NDUFS4: variants seen among roughly 807,000 people sequenced by gnomAD.
NDUFS4 encodes NADH:ubiquinone oxidoreductase subunit S4, also known as NADH dehydrogenase [ubiquinone] iron-sulfur protein 4, mitochondrial.
NDUFS4 carries 28 observed loss-of-function variants against 24.3 expected under a neutral mutation model. The ratio of observed to expected loss-of-function variants is 1.15; its 90% confidence interval spans 0.85 to 1.58. The LOEUF (loss-of-function observed/expected upper bound fraction) is 1.58. Ranked by LOEUF, NDUFS4 falls within the 40% of genes most tolerant of loss-of-function variation. The pLI is 0.00. For synonymous variants in NDUFS4, 93 were observed against 69.7 expected (o/e 1.34, Z -1.67); for missense variants, 223 against 207.9 (o/e 1.07, Z -0.45).
intron 1 of NDUFS4, among the ~76,000 whole-genome samples, chr5:53,577,922 T>C (rs1171937842): frequency 6.6e-6 from 1 of 152,200 alleles, no homozygotes; most frequent in Non-Finnish European, 1.5e-5. Flanking sequence ...GTATCCTAGA[T>C]GATCTAATTC....
rs776441221 is a variant in NDUFS4, at chr5:53,560,735, C to T, written c.73C>T (p.Leu25Phe). Residue 25 changes from leucine to phenylalanine, a missense_variant, in exon 1 of 5, where the codon CTT (leucine) becomes TTT (phenylalanine). Leu to Phe is a conservative substitution (Grantham distance 22). Transcript: ENST00000296684. Reference protein sequence around the residue: ...WRRRAVAVAALSVSRVPTRSL... With the variant: ...WRRRAVAVAAFSVSRVPTRSL... ...GAGAAGGGCAGTGGCTGTAGCTGCC[C>T]TTTCCGTTTCCAGGGTTCCGACCAG... 1.2e-6 allele frequency: 2 copies of T among 1,614,120 alleles called. No homozygotes were observed. Among genetic ancestry groups the T allele is most frequent in the Admixed American group, 3.3e-5 (2 of 60,012 alleles).
At chr5:53,621,098 TG>T (rs2112478130) in intron 2 of NDUFS4, among the ~76,000 whole-genome samples, 1 of 152,340 alleles carries the variant, frequency 6.6e-6, no homozygotes, top group African/African-American at 2.4e-5. Flanking sequence ...ATCACATTTT[TG>T]CTTCACTTAT....
chr5:53,577,778 T>C (rs1358137415), intron 1 of NDUFS4, among the ~76,000 whole-genome samples: 1 of 152,144 alleles, frequency 6.6e-6, no homozygotes, highest in Non-Finnish European at 1.5e-5. Context: ...AGAGATAGTT[T>C]CTTCTATATA....
chr5:53,568,499 A>G (rs962914671), intron 1 of NDUFS4, among the ~76,000 whole-genome samples: 8 of 152,184 alleles, frequency 5.3e-5, no homozygotes, highest in Admixed American at 3.3e-4. Context: ...ATATTTTTCT[A>G]TTCTAAATTA....
chr5:53,641,105 A>C (rs2112501173), intron 2 of NDUFS4, among the ~76,000 whole-genome samples: 1 of 152,282 alleles, frequency 6.6e-6, no homozygotes, highest in African/African-American at 2.4e-5. Flanking sequence ...AATACGTTGA[A>C]TAAATGAGAA....
chr5:53,654,423 A>G (rs1431048061), intron 3 of NDUFS4, among the ~76,000 whole-genome samples: 1 of 152,156 alleles, frequency 6.6e-6, no homozygotes, highest in Non-Finnish European at 1.5e-5. Flanking sequence ...CATAACTTCT[A>G]TAGCAGAATA....
chr5:53,577,472 A>G (rs184262875), intron 1 of NDUFS4, among the ~76,000 whole-genome samples: 217 of 90,906 alleles, frequency 2.4e-3, no homozygotes, highest in African/African-American at 8.6e-3. Flanking sequence ...AAGAGTCTCT[A>G]TAGTCTGCTA....
At chr5:53,606,770 G>A (rs454735) in intron 2 of NDUFS4, among the ~76,000 whole-genome samples, 30,927 of 152,034 alleles carry the variant, frequency 0.2, 3,665 homozygotes, top group East Asian at 0.46. Flanking sequence ...CCTCACATCC[G>A]TCCCCACTTT....
chr5:53,584,658 A>G (rs1579837246), intron 1 of NDUFS4, among the ~76,000 whole-genome samples: 1 of 152,294 alleles, frequency 6.6e-6, no homozygotes, highest in Non-Finnish European at 1.5e-5. Context: ...GTTTTTAAAC[A>G]TAGGTATGCC....
At chr5:53,649,576 T>C (rs1041911664) in intron 3 of NDUFS4, among the ~76,000 whole-genome samples, 1 of 152,226 alleles carries the variant, frequency 6.6e-6, no homozygotes, top group African/African-American at 2.4e-5. Flanking sequence ...ATGATGTTTA[T>C]GTACCACATT....
intron 4 of NDUFS4, among the ~76,000 whole-genome samples, chr5:53,673,733 A>C (rs1740366657): frequency 6.6e-6 from 1 of 152,150 alleles, no homozygotes; most frequent in Non-Finnish European, 1.5e-5. Flanking sequence ...AGTTTCATTT[A>C]TGTGTATCTT....
At chr5:53,562,694 G>A (rs1748887374) in intron 1 of NDUFS4, among the ~76,000 whole-genome samples, 1 of 152,064 alleles carries the variant, frequency 6.6e-6, no homozygotes, top group South Asian at 2.1e-4. Context: ...GAAATTTATA[G>A]ACCCTCTCCC....
At chr5:53,669,397 C>T (rs1752605759) in intron 4 of NDUFS4, among the ~76,000 whole-genome samples, 1 of 152,156 alleles carries the variant, frequency 6.6e-6, no homozygotes, top group Non-Finnish European at 1.5e-5. Flanking sequence ...CCCTCTACAA[C>T]CTCGTTAATA....
At chr5:53,586,158 A>T (rs989952089) in intron 1 of NDUFS4, among the ~76,000 whole-genome samples, 1 of 151,650 alleles carries the variant, frequency 6.6e-6, no homozygotes, top group Non-Finnish European at 1.5e-5. Flanking sequence ...GCGAAACCCC[A>T]TCTCTACTAA....
At chr5:53,597,301 C>T (rs1308984268) in intron 1 of NDUFS4, among the ~76,000 whole-genome samples, 2 of 152,156 alleles carry the variant, frequency 1.3e-5, no homozygotes, top group Non-Finnish European at 1.5e-5. Flanking sequence ...TTCTTAAGGT[C>T]TGATGCTGGA....
intron 4 of NDUFS4, 114 bp downstream of exon 4, chr5:53,658,738 C>A: frequency 6.5e-6 from 4 of 613,992 alleles, no homozygotes; most frequent in Non-Finnish European, 1.1e-5. Context: ...TTCATTGTAT[C>A]TAATCCAGTG....
intron 1 of NDUFS4, among the ~76,000 whole-genome samples, chr5:53,603,177 A>G (rs1750381289): frequency 6.6e-6 from 1 of 152,200 alleles, no homozygotes; most frequent in South Asian, 2.1e-4. Context: ...ACAGCAGTAC[A>G]GTACTTGTCA....
intron 4 of NDUFS4, among the ~76,000 whole-genome samples, chr5:53,659,364 T>A (rs1292597112): frequency 6.6e-6 from 1 of 152,198 alleles, no homozygotes; most frequent in Non-Finnish European, 1.5e-5. Flanking sequence ...TATGCCACTT[T>A]GAAGCTATAT....
At chr5:53,563,175 G>A (rs1365438034) in intron 1 of NDUFS4, among the ~76,000 whole-genome samples, 1 of 148,194 alleles carries the variant, frequency 6.7e-6, no homozygotes, top group Non-Finnish European at 1.5e-5. Context: ...CTTGCAGTGA[G>A]TCAAGATCGC....
Sources: allele counts gnomAD v4.1 joint callset (sites outside exome capture counted in the v4.1 genomes callset), GRCh38; gene constraint gnomAD v4.1.1; transcripts MANE v1.5; gene names NCBI Gene and HGNC (gene_info 2026-07-23, HGNC 2026-07-21).